CADPS: variants seen among roughly 807,000 people sequenced by gnomAD.
CADPS encodes the protein calcium dependent secretion activator.
A neutral mutation model predicts 167.3 loss-of-function variants in CADPS; 57 were observed. The ratio of observed to expected loss-of-function variants is 0.34; its 90% confidence interval spans 0.28 to 0.42. The LOEUF (loss-of-function observed/expected upper bound fraction) is 0.42, where lower values mean the gene tolerates loss of function less well. CADPS is among the 20% of genes least tolerant of loss of function. The pLI, the probability that CADPS is intolerant of heterozygous loss-of-function variation, is 1.00. For missense variants in CADPS, 1,414 were observed against 1,738.1 expected (o/e 0.81, Z 3.32); for synonymous variants, 676 against 635.3 (o/e 1.06, Z -0.96).
At chr3:62,864,703 C>G (rs772137000) in intron 1 of CADPS, among the ~76,000 whole-genome samples, 1 of 152,134 alleles carries the variant, frequency 6.6e-6, no homozygotes, top group Non-Finnish European at 1.5e-5. Context: ...TCATCTTAAT[C>G]TTCCAAATAA....
chr3:62,442,390 T>C (rs2056485904), intron 27 of CADPS, among the ~76,000 whole-genome samples: 1 of 152,082 alleles, frequency 6.6e-6, no homozygotes, highest in Non-Finnish European at 1.5e-5. Context: ...GCTAATATTT[T>C]GTATTTTTAG....
chr3:62,443,105 C>T (rs1054093460), intron 27 of CADPS, among the ~76,000 whole-genome samples: 2 of 152,058 alleles, frequency 1.3e-5, no homozygotes, highest in Admixed American at 1.3e-4. Context: ...TACCACTATC[C>T]AAATCAAGGT....
At chr3:62,627,099 A>T in intron 6 of CADPS, among the ~76,000 whole-genome samples, 1 of 151,318 alleles carries the variant, frequency 6.6e-6, no homozygotes, top group Non-Finnish European at 1.5e-5. Flanking sequence ...AACTCCTCTG[A>T]ATCATTTCCA....
chr3:62,501,852 T>C (rs552154592), intron 17 of CADPS, among the ~76,000 whole-genome samples: 8 of 152,372 alleles, frequency 5.3e-5, no homozygotes, highest in Non-Finnish European at 8.8e-5. Context: ...ACAATAGATA[T>C]CAATAGATAC....
chr3:62,698,757 T>TTTTTTTTTC (rs1554088701), intron 3 of CADPS, among the ~76,000 whole-genome samples: 1 of 79,330 alleles, frequency 1.3e-5, no homozygotes, highest in Non-Finnish European at 2.4e-5. Flanking sequence ...TTTTTTTTTT[T>TTTTTTTTTC]CAGACAGGGT....
chr3:62,591,727 T>C (rs961476098), intron 7 of CADPS, among the ~76,000 whole-genome samples: 4 of 152,162 alleles, frequency 2.6e-5, no homozygotes, highest in South Asian at 2.1e-4. Context: ...TCTGTGGTTT[T>C]TAAGGGGGTT....
At chr3:62,864,935 A>T (rs1019356509) in intron 1 of CADPS, among the ~76,000 whole-genome samples, 1 of 152,202 alleles carries the variant, frequency 6.6e-6, no homozygotes, top group Non-Finnish European at 1.5e-5. Context: ...ATGACTTTAC[A>T]TACTTTTTCT....
chr3:62,724,546 A>G (rs2076395135), intron 3 of CADPS, among the ~76,000 whole-genome samples: 2 of 152,252 alleles, frequency 1.3e-5, no homozygotes, highest in Non-Finnish European at 2.9e-5. Context: ...GCCAAAAAAA[A>G]GTAGAAAAGC....
In CADPS at chr3:62,585,139, G is replaced by A. The variant is rs2084316368; in HGVS notation, c.1577+46C>T. On this transcript the variant is annotated intron_variant, in intron 8 of 29. Transcript: ENST00000383710. ...TATTTTTGTTTTCATTTTGAGAAAT[G>A]AACAGACGTGTGTCCAAAACTGCTA... The A allele has an allele frequency of 3.2e-6, 5 of 1,586,172 alleles. No individual in the cohort carries two copies. In the East Asian group the frequency reaches 1.1e-4, roughly 36 times the overall value.
At position 62,739,839 on chromosome 3, in the gene CADPS, C is replaced by T. The variant is rs141726719; in HGVS notation, c.888+13602G>A. Reference sequence around the variant, plus strand: ...TGAAAGAGACAAAGGAAGAGATTTCCGATTAGGACAGTTGCCACAGTAAAG... The same window carrying T: ...TGAAAGAGACAAAGGAAGAGATTTCTGATTAGGACAGTTGCCACAGTAAAG... On this transcript the variant is annotated intron_variant, in intron 3 of 29. Coordinates refer to ENST00000383710, the MANE Select transcript of CADPS (RefSeq NM_003716.4). Among the ~76,000 whole-genome samples the T allele has an allele frequency of 5.3e-5, 8 of 152,304 alleles. No individual in the cohort carries two copies. The East Asian group carries it at 9.6e-4, about 18-fold the overall frequency.
At chr3:62,711,510 G>C (rs2083386543) in intron 3 of CADPS, among the ~76,000 whole-genome samples, 2 of 152,180 alleles carry the variant, frequency 1.3e-5, no homozygotes, top group South Asian at 4.1e-4. Flanking sequence ...TGAATTCTTT[G>C]TGTAAGATAG....
chr3:62,415,980 C>A (rs1351083804), intron 28 of CADPS, among the ~76,000 whole-genome samples: 1 of 150,496 alleles, frequency 6.6e-6, no homozygotes, highest in Non-Finnish European at 1.5e-5. Flanking sequence ...TTTCTTTTTC[C>A]CTCGTCATTC....
At chr3:62,823,449 C>T (rs939424111) in intron 1 of CADPS, among the ~76,000 whole-genome samples, 4 of 152,132 alleles carry the variant, frequency 2.6e-5, no homozygotes, top group Non-Finnish European at 5.9e-5. Flanking sequence ...ATTATATTTT[C>T]CCTTTGGGTG....
chr3:62,646,133 G>C lies in CADPS; in HGVS notation c.1204-290C>G, dbSNP rs542207118. ...TTTCTGTGTTAAGCAAATAAGATCAGTTTTTCATTTCTACCAAGGAATTGG... is the reference window on the plus strand; with the variant it reads ...TTTCTGTGTTAAGCAAATAAGATCACTTTTTCATTTCTACCAAGGAATTGG... On this transcript the variant is annotated intron_variant, in intron 5 of 29. Coordinates refer to ENST00000383710, the MANE Select transcript of CADPS (RefSeq NM_003716.4). Among the ~76,000 whole-genome samples the C allele has an allele frequency of 1.2e-4, 18 of 148,822 alleles. No homozygotes were observed. In the East Asian group the frequency reaches 1.8e-3, roughly 15 times the overall value.
At chr3:62,639,585 T>C (rs944418950) in intron 6 of CADPS, among the ~76,000 whole-genome samples, 4 of 152,162 alleles carry the variant, frequency 2.6e-5, no homozygotes, top group African/African-American at 9.7e-5. Context: ...GCCTGGCAAA[T>C]AGTGTGTGCT....
Position 62,421,816 on chromosome 3 carries a change from G to A in CADPS, c.3777+16288C>T, listed in dbSNP as rs2051475923. ...CCGGGTCTGGGTTTTTTTGGAGTGT[G>A]CTATTGTTTGTGCTGGACTGTTAGG... On this transcript the variant is annotated intron_variant, in intron 28 of 29. Coordinates refer to ENST00000383710, the MANE Select transcript of CADPS (RefSeq NM_003716.4). This position sits in a 1 kb window ranked among gnomAD's most constrained non-coding sequence, Gnocchi z 4.7. 6.6e-6 allele frequency among the ~76,000 whole-genome samples: 1 copy of A among 152,168 alleles called. No individual in the cohort carries two copies. The highest frequency in any genetic ancestry group is 2.1e-4 in the South Asian group (1 of 4,824).
At chr3:62,709,738 G>C (rs978548831) in intron 3 of CADPS, among the ~76,000 whole-genome samples, 39 of 151,710 alleles carry the variant, frequency 2.6e-4, no homozygotes, top group African/African-American at 7.8e-4. Context: ...TGAAGATGGA[G>C]GACCACTGGG....
chr3:62,865,434 T>C (rs991152160), intron 1 of CADPS, among the ~76,000 whole-genome samples: 12 of 151,532 alleles, frequency 7.9e-5, no homozygotes, highest in African/African-American at 2.9e-4. Flanking sequence ...ATCCCAGAAC[T>C]TTTTTACTGC....
intron 3 of CADPS, among the ~76,000 whole-genome samples, chr3:62,730,978 G>T (rs1170635629): frequency 6.6e-6 from 1 of 152,206 alleles, no homozygotes; most frequent in Non-Finnish European, 1.5e-5. Context: ...GTTTAAAAAT[G>T]ACATGTCCAA....
Sources: allele counts gnomAD v4.1 joint callset (sites outside exome capture counted in the v4.1 genomes callset), GRCh38; gene constraint gnomAD v4.1.1; non-coding constraint Gnocchi (gnomAD v3.1); transcripts MANE v1.5; gene names NCBI Gene and HGNC (gene_info 2026-07-23, HGNC 2026-07-21).